Variants in ZNF394 observed in about 807,000 individuals in gnomAD.
ZNF394 encodes the protein zinc finger protein 394, also known as zinc finger protein 99.
ZNF394 carries 19 observed loss-of-function variants against 21.8 expected under a neutral mutation model. The observed-to-expected ratio is 0.87, with a 90% CI of 0.61 to 1.28. The LOEUF (loss-of-function observed/expected upper bound fraction) is 1.28. Ranked by LOEUF, ZNF394 falls within the 50% of genes most tolerant of loss-of-function variation. The pLI is 0.00. For synonymous variants in ZNF394, 294 were observed against 273.3 expected (o/e 1.08, Z -0.75); for missense variants, 683 against 708.6 (o/e 0.96, Z 0.41).
chr7:99,486,588 A>C (rs1799966881), exon 2 of ZNF394: 3 of 1,614,208 alleles, frequency 1.9e-6, no homozygotes, highest in Non-Finnish European at 2.5e-6. Flanking sequence ...AGAAACTTTC[A>C]GAAAAGTTAC....
At chr7:99,488,862 C>G (rs903246798), downstream of ZNF394, among the ~76,000 whole-genome samples, 8 of 142,142 alleles carry the variant, frequency 5.6e-5, no homozygotes, top group African/African-American at 2.6e-5. Context: ...AACCGGGAGG[C>G]AGAGGTTGCA....
At position 99,494,132 on chromosome 7, in the gene ZNF394, AC is replaced by A. The variant is rs1400758237; in HGVS notation, c.1082del (p.Gly361ValfsTer41). On this transcript the variant is annotated frameshift_variant, in exon 3 of 3. Coordinates refer to ENST00000337673, the MANE Select transcript of ZNF394 (RefSeq NM_032164.4). LOFTEE classifies it low-confidence loss of function (END_TRUNC). ...QLHEERPYKC[G>X]NCGKSFKQRS... Reference sequence around the variant, plus strand: ...GTTGTTTGAAACTCTTCCCACAGTTACCACATTTATAAGGTCTTTCTTCATG... The same window carrying A: ...GTTGTTTGAAACTCTTCCCACAGTTACACATTTATAAGGTCTTTCTTCATG... 1 of 1,614,238 alleles carries A rather than the reference AC, an allele frequency of 6.2e-7. No individual in the cohort carries two copies. The highest frequency in any genetic ancestry group is 8.5e-7 in the Non-Finnish European group (1 of 1,180,050).
At chr7:99,499,398 GAAAAAAA>G (rs376340266) in intron 1 of ZNF394, among the ~76,000 whole-genome samples, 10 of 103,406 alleles carry the variant, frequency 9.7e-5, no homozygotes, top group Non-Finnish European at 2.1e-4. Flanking sequence ...AGAACAACAA[GAAAAAAA>G]AAAAAAAGAA....
downstream of ZNF394, among the ~76,000 whole-genome samples, chr7:99,490,258 G>A (rs868687384): frequency 4.7e-5 from 7 of 148,314 alleles, no homozygotes; most frequent in Middle Eastern, 3.4e-3. Context: ...GGGTTCAAGC[G>A]ATTCTCCTGC....
chr7:99,489,275 C>T (rs1395330567), downstream of ZNF394, among the ~76,000 whole-genome samples: 1 of 148,404 alleles, frequency 6.7e-6, no homozygotes, highest in Non-Finnish European at 1.5e-5. Context: ...CAGAGTAAGA[C>T]TCCATCTCAA....
chr7:99,487,081 GAAA>G (rs774342807), intron 1 of ZNF394: 26 of 1,613,632 alleles, frequency 1.6e-5, no homozygotes, highest in Non-Finnish European at 2.2e-5. Context: ...TAGCAAATGT[GAAA>G]AAACGTTTAG....
downstream of ZNF394, among the ~76,000 whole-genome samples, chr7:99,490,624 C>T (rs1182628924): frequency 7.1e-6 from 1 of 141,176 alleles, no homozygotes; most frequent in African/African-American, 2.6e-5. Flanking sequence ...AAAGTGAGAC[C>T]TTTTTTTTTT....
Position 99,498,722 on chromosome 7 carries a change from G to T in ZNF394, c.577C>A (p.Pro193Thr), listed in dbSNP as rs764233968. The T allele has an allele frequency of 6.2e-7, 1 of 1,614,022 alleles. No homozygotes were observed. Among genetic ancestry groups the T allele is most frequent in the Non-Finnish European group, 8.5e-7 (1 of 1,179,966 alleles). ...GCAGAGCAACAGCACTCACTCGGCG[G>T]AACTGTGCTCCCGGAATCCTTCTGC... ...SAQKDSGSTV[P>T]PSLESRVENK... is the part of the protein sequence containing the mutation. Residue 193 changes from proline to threonine, a missense_variant, in exon 2 of 3, where the codon CCG (proline) becomes ACG (threonine). By Grantham distance (38) the Pro-to-Thr change is conservative (BLOSUM62 -1). Coordinates refer to ENST00000337673, the MANE Select transcript of ZNF394 (RefSeq NM_032164.4).
At chr7:99,489,997 CCCG>C (rs1185230952), downstream of ZNF394, among the ~76,000 whole-genome samples, 1 of 151,466 alleles carries the variant, frequency 6.6e-6, no homozygotes, top group Non-Finnish European at 1.5e-5. Context: ...AGAGTGAGAC[CCCG>C]TGTCAAAAAA....
In ZNF394 at chr7:99,500,025, CGCA is replaced by C; in HGVS notation, c.66_68del (p.Ala23del). On this transcript the variant is annotated inframe_deletion, in exon 1 of 3. Transcript: ENST00000337673. ...GGGACGGCGCCGCGTCCTTGGACCT[CGCA>C]GCCATCACCCAGGGTCCCAACTCGG... is the stretch of plus-strand genomic sequence containing the variant. The C allele has an allele frequency of 6.2e-7, 1 of 1,604,416 alleles. No individual in the cohort carries two copies. The highest frequency in any genetic ancestry group is 8.5e-7 in the Non-Finnish European group (1 of 1,177,962).
intron 2 of ZNF394, chr7:99,497,961 T>TTTACTGC (rs1554380967): frequency 6.6e-6 from 1 of 151,654 alleles, no homozygotes; most frequent in African/African-American, 2.4e-5. Context: ...AATATCTGAT[T>TTTACTGC]GTACTGTGGG....
Position 99,493,755 on chromosome 7 carries a change from T to C in ZNF394, c.1460A>G (p.His487Arg). The change falls in exon 3 of 3, where the codon CAC (histidine) becomes CGC (arginine). Residue 487 changes from histidine to arginine, a missense_variant. Coordinates refer to ENST00000337673, the MANE Select transcript of ZNF394 (RefSeq NM_032164.4). ...CTTCTCCCCAGTGTGGATTCTGTGG[T>C]GTTTAAAGAGGTCAGAGCGCTGTTT... Reference protein sequence around the residue: ...SFKQRSDLFKHHRIHTGEKPY... With the variant: ...SFKQRSDLFKRHRIHTGEKPY... 1.2e-6 allele frequency: 2 copies of C among 1,614,142 alleles called. No homozygotes were observed. Among genetic ancestry groups the C allele is most frequent in the Non-Finnish European group, 1.7e-6 (2 of 1,180,012 alleles).
In ZNF394 at chr7:99,493,948, A is replaced by G. The variant is rs1267933448; in HGVS notation, c.1267T>C (p.Phe423Leu). Reference protein sequence around the residue: ...PYTCLKCGERFRQNSHLNRHQ... With the variant: ...PYTCLKCGERLRQNSHLNRHQ... ...CGATTTAGGTGTGAATTCTGCCTGA[A>G]GCGCTCCCCACATTTCAGACAGGTG... The change falls in exon 3 of 3, where the codon TTC becomes CTC. Residue 423 changes from phenylalanine to leucine, a missense_variant. This residue lies in a region of ZNF394 where 274 missense variants were observed against 314.1 expected (regional missense o/e 0.87). Coordinates refer to ENST00000337673, the MANE Select transcript of ZNF394 (RefSeq NM_032164.4). The G allele has an allele frequency of 6.2e-7, 1 of 1,614,226 alleles. No individual in the cohort carries two copies. Among genetic ancestry groups the G allele is most frequent in the Non-Finnish European group, 8.5e-7 (1 of 1,180,042 alleles).
chr7:99,498,947 G>A, intron 1 of ZNF394, 105 bp from the exon 2 acceptor site: 3 of 1,421,262 alleles, frequency 2.1e-6, no homozygotes, highest in Admixed American at 2.5e-5. Flanking sequence ...ATCAGAGATA[G>A]AGGCTGACAT....
intron 1 of ZNF394, 146 bp from the exon 2 acceptor site, chr7:99,498,988 G>A: frequency 3.3e-6 from 4 of 1,196,484 alleles, no homozygotes; most frequent in East Asian, 2.7e-5. Flanking sequence ...CCTTTCTGTG[G>A]ACTATTTACA....
chr7:99,497,213 T>G (rs1800363062), intron 2 of ZNF394, among the ~76,000 whole-genome samples: 1 of 147,850 alleles, frequency 6.8e-6, no homozygotes, highest in Non-Finnish European at 1.5e-5. Context: ...CAGGCTGGAG[T>G]GCTGGAGTGC....
At chr7:99,490,549 T>C (rs996053720), downstream of ZNF394, among the ~76,000 whole-genome samples, 1 of 151,480 alleles carries the variant, frequency 6.6e-6, no homozygotes, top group Non-Finnish European at 1.5e-5. Flanking sequence ...AAGGATCGCT[T>C]AAGCCCAGGA....
Position 99,487,126 on chromosome 7 carries a change from A to G in ZNF394, n.84-163T>C, listed in dbSNP as rs764874795. The G allele has an allele frequency of 9.9e-6, 16 of 1,614,112 alleles. No homozygotes were observed. The African/African-American group carries it at 1.9e-4, about 19-fold the overall frequency. On this transcript the variant is annotated intron_variant and non_coding_transcript_variant, in intron 1 of 1. Coordinates refer to the ZNF394 transcript ENST00000462024. ...TTCAACCCTTATTCGACATCAGGTG[A>G]TCCATAGTGGAGAAAAACGCCATAA...
intron 2 of ZNF394, among the ~76,000 whole-genome samples, chr7:99,496,256 TTCAC>T (rs1800305558): frequency 6.6e-6 from 1 of 151,982 alleles, no homozygotes; most frequent in Admixed American, 6.6e-5. Flanking sequence ...CCTCAAGTGA[TTCAC>T]CTGCCTCGGC....
Sources: gnomAD v4.1 joint callset for allele counts (sites outside exome capture counted in the v4.1 genomes callset) on GRCh38, gnomAD v4.1.1 for gene constraint, gnomAD v4.1.1 regional missense constraint, MANE v1.5 for transcripts, NCBI Gene and HGNC (gene_info 2026-07-23, HGNC 2026-07-21) for gene names.